MYLK4: variants seen among roughly 807,000 people sequenced by gnomAD.
MYLK4 encodes the protein myosin light chain kinase family member 4.
MYLK4 carries 46 observed loss-of-function variants against 48.1 expected under a neutral mutation model. The observed-to-expected ratio is 0.96, with a 90% CI of 0.75 to 1.22. The LOEUF (loss-of-function observed/expected upper bound fraction) is 1.22, where lower values mean the gene tolerates loss of function less well. Among genes scored for constraint, MYLK4 ranks in the 50% most tolerant of loss-of-function variants. The pLI, the probability that MYLK4 is intolerant of heterozygous loss-of-function variation, is 0.00. For synonymous variants in MYLK4, 170 were observed against 180.8 expected, an observed-to-expected ratio of 0.94 and a Z score of 0.48; for missense variants, 451 against 486.1, an observed-to-expected ratio of 0.93 and a Z score of 0.68.
chr6:2,713,054 T>C (rs1334726040), intron 2 of MYLK4, among the ~76,000 whole-genome samples: 3 of 152,144 alleles, frequency 2.0e-5, no homozygotes, highest in Non-Finnish European at 4.4e-5. Flanking sequence ...CAGTGACACA[T>C]GTGAAAGCGC....
At chr6:2,705,002 G>A (rs1762434601) in intron 2 of MYLK4, among the ~76,000 whole-genome samples, 1 of 152,152 alleles carries the variant, frequency 6.6e-6, no homozygotes. Flanking sequence ...AACTTTATAT[G>A]GTTGCAAGAC....
intron 2 of MYLK4, chr6:2,744,141 G>A: frequency 5.4e-5 from 1 of 18,488 alleles, no homozygotes; most frequent in Non-Finnish European, 1.2e-4. Context: ...CTGCCCTGAG[G>A]AGTGGGTGTC....
At chr6:2,729,920 A>G (rs1763417112) in intron 2 of MYLK4, among the ~76,000 whole-genome samples, 3 of 152,236 alleles carry the variant, frequency 2.0e-5, no homozygotes, top group African/African-American at 7.2e-5. Context: ...CCATCCAGAC[A>G]GAAACACAGT....
intron 2 of MYLK4, among the ~76,000 whole-genome samples, chr6:2,702,032 C>T (rs897662324): frequency 2.6e-5 from 4 of 152,138 alleles, no homozygotes; most frequent in African/African-American, 9.7e-5. Flanking sequence ...GGGAGGGAGT[C>T]GAGACAGCAT....
At chr6:2,702,694 G>A (rs997760349) in intron 2 of MYLK4, among the ~76,000 whole-genome samples, 1 of 152,194 alleles carries the variant, frequency 6.6e-6, no homozygotes, top group African/African-American at 2.4e-5. Flanking sequence ...TGGTAGATGT[G>A]TGAATTAGCT....
intron 4 of MYLK4, among the ~76,000 whole-genome samples, chr6:2,688,068 C>CT (rs1264356341): frequency 1.1e-4 from 16 of 140,250 alleles, no homozygotes; most frequent in Admixed American, 2.2e-4. Flanking sequence ...CTTTTTTTTT[C>CT]TTTTTTTTTG....
Position 2,704,127 on chromosome 6 carries a change from C to T in MYLK4, c.160-11268G>A, listed in dbSNP as rs143620690. Among the ~76,000 whole-genome samples, 1,261 of 152,328 alleles carry T rather than the reference C, an allele frequency of 8.3e-3. 11 individuals are homozygous for T. Among genetic ancestry groups the T allele is most frequent in the South Asian group, 0.025 (123 of 4,828 alleles). On this transcript the variant is annotated intron_variant, in intron 2 of 12. Transcript: ENST00000274643. The stretch of plus-strand genomic sequence containing the variant: ...TCTAGAATCTAACTCAGTGTCAGCT[C>T]ATGACAAACACTGATTGATTGACTG...
chr6:2,741,665 A>C (rs1310892816), intron 2 of MYLK4, among the ~76,000 whole-genome samples: 6 of 152,276 alleles, frequency 3.9e-5, no homozygotes, highest in Non-Finnish European at 1.5e-5. Flanking sequence ...TTTCAAAGAC[A>C]ATAGTTTGCT....
In MYLK4 at chr6:2,729,080, C is replaced by T. The variant is rs574563907; in HGVS notation, c.159+20056G>A. Reference sequence around the variant, plus strand: ...GCTCACTGTCCACCAACTGTGCTCACGCTTGGGATCCCAAGGTTCCAGCTC... The same window carrying T: ...GCTCACTGTCCACCAACTGTGCTCATGCTTGGGATCCCAAGGTTCCAGCTC... On this transcript the variant is annotated intron_variant, in intron 2 of 12. Transcript: ENST00000274643. Among the ~76,000 whole-genome samples the T allele has an allele frequency of 9.8e-5, 15 of 152,312 alleles. 1 individual carries two copies. In the South Asian group the frequency reaches 2.1e-3, roughly 21 times the overall value.
At chr6:2,764,005 G>C in the MYLK4 span, among the ~76,000 whole-genome samples, 1,847 of 152,288 alleles carry the variant, frequency 0.012, 29 homozygotes, top group South Asian at 0.061. Context: ...GGTGGCGGAC[G>C]CCCGTAATTC....
intron 2 of MYLK4, among the ~76,000 whole-genome samples, chr6:2,713,125 C>A (rs753856839): frequency 6.6e-6 from 1 of 152,112 alleles, no homozygotes; most frequent in Non-Finnish European, 1.5e-5. Flanking sequence ...AATCCCAGAA[C>A]TTTGGGAGGC....
intron 2 of MYLK4, among the ~76,000 whole-genome samples, chr6:2,704,620 C>T (rs1277869633): frequency 6.6e-6 from 1 of 152,154 alleles, no homozygotes; most frequent in East Asian, 1.9e-4. Flanking sequence ...CATGTTTGCC[C>T]AGAGAGATAC....
chr6:2,700,557 T>C (rs1762247156), intron 2 of MYLK4, among the ~76,000 whole-genome samples: 1 of 152,126 alleles, frequency 6.6e-6, no homozygotes, highest in Non-Finnish European at 1.5e-5. Context: ...TTTGATCCTA[T>C]CCAGGATGGA....
intron 2 of MYLK4, among the ~76,000 whole-genome samples, chr6:2,703,662 A>AT (rs759946900): frequency 5.6e-4 from 35 of 62,166 alleles, no homozygotes; most frequent in African/African-American, 2.0e-3. Flanking sequence ...CCCTTTGTGA[A>AT]TTCTTTTTTT....
At chr6:2,687,575 A>G (rs999258567) in intron 4 of MYLK4, among the ~76,000 whole-genome samples, 1 of 152,218 alleles carries the variant, frequency 6.6e-6, no homozygotes, top group Admixed American at 6.5e-5. Context: ...ATGTCCCTGA[A>G]GGCCCAAATA....
chr6:2,694,195 A>G (rs1016271604), intron 2 of MYLK4, among the ~76,000 whole-genome samples: 9 of 152,094 alleles, frequency 5.9e-5, no homozygotes, highest in Non-Finnish European at 1.3e-4. Flanking sequence ...AGAGCTTCAG[A>G]GTTTCTCTTT....
At chr6:2,752,246 G>T (rs1281557498), upstream of MYLK4, among the ~76,000 whole-genome samples, 1 of 152,144 alleles carries the variant, frequency 6.6e-6, no homozygotes, top group African/African-American at 2.4e-5. Flanking sequence ...CTACAGAAAA[G>T]GTGCAAAGGT....
At chr6:2,762,625 G>A in the MYLK4 span, among the ~76,000 whole-genome samples, 1 of 152,222 alleles carries the variant, frequency 6.6e-6, no homozygotes, top group African/African-American at 2.4e-5. Flanking sequence ...CTTCTGTGAT[G>A]CTCCTGCAAT....
chr6:2,765,182 A>ACCCCCCCCCCCCCC, the MYLK4 span, among the ~76,000 whole-genome samples: 30 of 72,928 alleles, frequency 4.1e-4, 2 homozygotes, highest in South Asian at 1.1e-3. Context: ...TCGCCTCGCA[A>ACCCCCCCCCCCCCC]CCCCCCCCCC....
Sources: allele counts gnomAD v4.1 joint callset (sites outside exome capture counted in the v4.1 genomes callset), GRCh38; gene constraint gnomAD v4.1.1; transcripts MANE v1.5; gene names NCBI Gene and HGNC (gene_info 2026-07-23, HGNC 2026-07-21).